RORB: variants seen among roughly 807,000 people sequenced by gnomAD.
RORB encodes RAR related orphan receptor B, also known as nuclear receptor ROR-beta.
In RORB, 6 loss-of-function variants were observed where a neutral mutation model predicts 59.1. That is an observed-to-expected ratio of 0.10 (90% CI 0.06 to 0.20). The LOEUF (loss-of-function observed/expected upper bound fraction) is 0.20, where lower values mean the gene tolerates loss of function less well. Ranked by LOEUF, RORB falls within the 10% of genes least tolerant of loss-of-function variation. RORB has a pLI of 1.00. For missense variants in RORB, 320 were observed against 560.5 expected, an observed-to-expected ratio of 0.57 and a Z score of 4.33; for synonymous variants, 215 against 204.5, an observed-to-expected ratio of 1.05 and a Z score of -0.44.
chr9:74,560,724 A>C (rs1377332206), intron 1 of RORB, among the ~76,000 whole-genome samples: 2 of 151,812 alleles, frequency 1.3e-5, no homozygotes, highest in African/African-American at 4.8e-5. Flanking sequence ...ACCTAAACCT[A>C]TTTCAGTATT....
At chr9:74,564,249 G>A (rs1007641970) in intron 1 of RORB, among the ~76,000 whole-genome samples, 8 of 152,092 alleles carry the variant, frequency 5.3e-5, no homozygotes, top group Non-Finnish European at 8.8e-5. Flanking sequence ...CCCATGATGT[G>A]TCTGCAAAGA....
chr9:74,604,755 A>G (rs1458844106), intron 1 of RORB, among the ~76,000 whole-genome samples: 1 of 152,206 alleles, frequency 6.6e-6, no homozygotes, highest in Admixed American at 6.5e-5. Context: ...AGTCTTTGAT[A>G]TGACATTTAT....
intron 4 of RORB, among the ~76,000 whole-genome samples, chr9:74,657,483 C>G (rs1824103514): frequency 6.6e-6 from 1 of 152,140 alleles, no homozygotes; most frequent in African/African-American, 2.4e-5. Context: ...CTACAGCTAG[C>G]TTTCTATCTG....
Position 74,508,061 on chromosome 9 carries a change from A to T in RORB, c.7+10078A>T, listed in dbSNP as rs959774872. 2.0e-5 allele frequency among the ~76,000 whole-genome samples: 3 copies of T among 152,142 alleles called. No individual in the cohort carries two copies. In the East Asian group the frequency reaches 5.8e-4, roughly 29 times the overall value. ...TTTGCTCTAAAATTAAATTTAAAAC[A>T]AACAGTTCAATATGCTGAGTTTTTT... On this transcript the variant is annotated intron_variant, in intron 1 of 9. Coordinates refer to ENST00000376896, the MANE Select transcript of RORB (RefSeq NM_006914.4).
At chr9:74,679,460 T>C (rs865982398) in intron 9 of RORB, among the ~76,000 whole-genome samples, 1 of 152,190 alleles carries the variant, frequency 6.6e-6, no homozygotes, top group African/African-American at 2.4e-5. Flanking sequence ...AATGCAAGAA[T>C]AGGCAAAATT....
In RORB at chr9:74,666,732, G is replaced by A. The variant is rs538121906; in HGVS notation, c.1001-1059G>A. On this transcript the variant is annotated intron_variant, in intron 7 of 9. Coordinates refer to ENST00000376896, the MANE Select transcript of RORB (RefSeq NM_006914.4). ...ATTCACAAAGTTCTGGGAGCACAGA[G>A]TTCATGCCAACCTGTCCACAGTGAT... 3.7e-4 allele frequency among the ~76,000 whole-genome samples: 56 copies of A among 152,288 alleles called. 1 individual carries two copies. Among genetic ancestry groups the A allele is most frequent in the Middle Eastern group, 6.8e-3 (2 of 294 alleles).
chr9:74,525,960 T>C (rs569567624), intron 1 of RORB, among the ~76,000 whole-genome samples: 1 of 152,006 alleles, frequency 6.6e-6, no homozygotes, highest in African/African-American at 2.4e-5. Context: ...AGTTAGAAAA[T>C]ACAAGGATGG....
intron 3 of RORB, among the ~76,000 whole-genome samples, chr9:74,641,732 C>T (rs1465911199): frequency 6.6e-6 from 1 of 151,114 alleles, no homozygotes; most frequent in African/African-American, 2.4e-5. Context: ...AAGGCCCCGG[C>T]TCTACAAAAA....
intron 3 of RORB, among the ~76,000 whole-genome samples, chr9:74,636,025 G>C (rs577718136): frequency 6.8e-6 from 1 of 148,020 alleles, no homozygotes; most frequent in East Asian, 2.0e-4. Flanking sequence ...AAGCTACAGA[G>C]ACGAGGTTTC....
chr9:74,515,008 T>C (rs999530465), intron 1 of RORB, among the ~76,000 whole-genome samples: 1 of 150,532 alleles, frequency 6.6e-6, no homozygotes, highest in Non-Finnish European at 1.5e-5. Context: ...TAGTAGGTCA[T>C]TGAAAATTCA....
At chr9:74,589,536 T>C (rs921257538) in intron 1 of RORB, among the ~76,000 whole-genome samples, 1 of 152,212 alleles carries the variant, frequency 6.6e-6, no homozygotes, top group African/African-American at 2.4e-5. Context: ...ACTTATCTCA[T>C]AGGACATTTA....
In RORB at chr9:74,685,658, A is replaced by G. The variant is rs1310914730; in HGVS notation, c.*40A>G. ...CTGTCTCATAGTCATGGAATGCATC[A>G]CCATTAAGACAAAAGCAATGTGTTC... On this transcript the variant is annotated 3_prime_UTR_variant, in exon 10 of 10. Transcript: ENST00000376896. 1.4e-6 allele frequency: 2 copies of G among 1,470,220 alleles called. No homozygotes were observed. The highest frequency in any genetic ancestry group is 1.8e-4 in the Middle Eastern group (1 of 5,458). 91.1% of individuals were successfully genotyped at this position (1,470,220 alleles called of 1,614,324 possible). A position where few individuals can be genotyped will look rare whatever the true frequency, so the allele number is the denominator to read the frequency against.
At chr9:74,654,760 G>C (rs1824053879) in intron 4 of RORB, among the ~76,000 whole-genome samples, 1 of 152,032 alleles carries the variant, frequency 6.6e-6, no homozygotes, top group African/African-American at 2.4e-5. Context: ...TCTGTTAATT[G>C]AATATAAATC....
intron 1 of RORB, among the ~76,000 whole-genome samples, chr9:74,547,411 G>A (rs938787856): frequency 1.3e-5 from 2 of 152,286 alleles, no homozygotes; most frequent in East Asian, 1.9e-4. Flanking sequence ...AGCAAGGACC[G>A]AAGACCTTCT....
At chr9:74,555,837 G>A (rs1822279073) in intron 1 of RORB, among the ~76,000 whole-genome samples, 1 of 152,140 alleles carries the variant, frequency 6.6e-6, no homozygotes, top group South Asian at 2.1e-4. Flanking sequence ...ATGTCAGCGT[G>A]GGAAAATAAG....
In RORB at chr9:74,648,662, C is replaced by T. The variant is rs559823117; in HGVS notation, c.637+5847C>T. 6.6e-5 allele frequency among the ~76,000 whole-genome samples: 10 copies of T among 152,274 alleles called. No individual in the cohort carries two copies. In the South Asian group the frequency reaches 1.7e-3, roughly 25 times the overall value. Reference sequence around the variant, plus strand: ...ACCCAGCCAAACATGCAGTTAACAACCACTGTCAAATCAGAACCGTGCACT... The same window carrying T: ...ACCCAGCCAAACATGCAGTTAACAATCACTGTCAAATCAGAACCGTGCACT... On this transcript the variant is annotated intron_variant, in intron 4 of 9. Coordinates refer to ENST00000376896, the MANE Select transcript of RORB (RefSeq NM_006914.4).
chr9:74,581,528 C>T (rs573944431), intron 1 of RORB, among the ~76,000 whole-genome samples: 2 of 152,310 alleles, frequency 1.3e-5, no homozygotes, highest in East Asian at 1.9e-4. Flanking sequence ...CACAACCTCA[C>T]CACACTTTTG....
intron 1 of RORB, among the ~76,000 whole-genome samples, chr9:74,507,680 A>G (rs986638811): frequency 5.3e-5 from 8 of 152,152 alleles, no homozygotes; most frequent in Admixed American, 4.6e-4. Context: ...ACAAGCTTCA[A>G]GAACTTAGAC....
chr9:74,563,184 CTTTTT>C (rs766404071), intron 1 of RORB, among the ~76,000 whole-genome samples: 2 of 127,106 alleles, frequency 1.6e-5, no homozygotes, highest in African/African-American at 3.0e-5. Context: ...TCTCTTCAGT[CTTTTT>C]TTTTTTTTTT....
Sources: gnomAD v4.1 joint callset for allele counts (sites outside exome capture counted in the v4.1 genomes callset) on GRCh38, gnomAD v4.1.1 for gene constraint, MANE v1.5 for transcripts, NCBI Gene and HGNC (gene_info 2026-07-23, HGNC 2026-07-21) for gene names.